Variants in ST3GAL6 observed in about 807,000 individuals in gnomAD.
ST3GAL6 encodes type 2 lactosamine alpha-2,3-sialyltransferase.
ST3GAL6 carries 31 observed loss-of-function variants against 40.5 expected under a neutral mutation model. The ratio of observed to expected loss-of-function variants is 0.77; its 90% confidence interval spans 0.58 to 1.03. ST3GAL6 has a LOEUF of 1.03. ST3GAL6 is among the 50% of genes least tolerant of loss of function. The pLI, the probability that ST3GAL6 is intolerant of heterozygous loss-of-function variation, is 0.00. For missense variants in ST3GAL6, 357 were observed against 393.2 expected, an observed-to-expected ratio of 0.91 and a Z score of 0.78; for synonymous variants, 129 against 136.9, an observed-to-expected ratio of 0.94 and a Z score of 0.40.
Position 98,772,826 on chromosome 3 carries a change from C to T in ST3GAL6, c.181C>T (p.His61Tyr). 6.2e-7 allele frequency: 1 copy of T among 1,612,784 alleles called. No homozygotes were observed. The highest frequency in any genetic ancestry group is 8.5e-7 in the Non-Finnish European group (1 of 1,179,052). The change falls in exon 4 of 10, where the codon CAC (histidine) becomes TAC (tyrosine). Residue 61 changes from histidine to tyrosine, a missense_variant. Physicochemically the swap from His to Tyr is moderately conservative, Grantham distance 83. Coordinates refer to ENST00000483910, the MANE Select transcript of ST3GAL6 (RefSeq NM_001323368.2). ...FASLLRFHQF[H>Y]PFLCAADFRK... The stretch of plus-strand genomic sequence containing the variant: ...CTTTCCTTCCAGGTTTCATCAGTTT[C>T]ACCCTTTTCTGTGTGCGGCTGATTT...
At position 98,795,334 on chromosome 3, in the gene ST3GAL6, A is replaced by AAAC. The variant is rs1941520604; in HGVS notation, c.*1575_*1577dup. On this transcript the variant is annotated 3_prime_UTR_variant, in exon 10 of 10. Transcript: ENST00000483910. ...GTGAAATACATTAGATTTGGCTCAG[A>AAAC]AACAGAATGCGGTACTTATAAAGCA... 6.6e-6 allele frequency: 1 copy of AAAC among 152,330 alleles called. No homozygotes were observed. Among genetic ancestry groups the AAAC allele is most frequent in the South Asian group, 2.1e-4 (1 of 4,824 alleles). 9.4% of individuals were successfully genotyped at this position (152,330 alleles called of 1,614,324 possible).
chr3:98,766,929 G>C (rs948579147), intron 1 of ST3GAL6, among the ~76,000 whole-genome samples: 23 of 152,184 alleles, frequency 1.5e-4, no homozygotes, highest in Admixed American at 1.4e-3. Context: ...ACCATATGTA[G>C]AGTTAGGCTG....
At chr3:98,762,365 A>C (rs75349640), upstream of ST3GAL6, among the ~76,000 whole-genome samples, 2 of 152,394 alleles carry the variant, frequency 1.3e-5, no homozygotes, top group East Asian at 3.9e-4. Context: ...CTGTTAATTT[A>C]CTCAGCAATG....
rs1235573261 is a variant in ST3GAL6 at position 98,792,528 on chromosome 3, TGA to T, written c.909+539_909+540del. ...TTAGTTTAAATTTTTTTTTTTTTTTTGAGAGTCTCACTCTGTCACCCAGGCTG... is the reference window on the plus strand; with the variant it reads ...TTAGTTTAAATTTTTTTTTTTTTTTTGAGTCTCACTCTGTCACCCAGGCTG... On this transcript the variant is annotated intron_variant, in intron 9 of 9. Transcript: ENST00000483910. Among the ~76,000 whole-genome samples the T allele has an allele frequency of 5.0e-4, 76 of 151,352 alleles. 1 individual carries two copies. Among genetic ancestry groups the T allele is most frequent in the African/African-American group, 1.7e-3 (69 of 41,304 alleles).
chr3:98,742,864 A>AT (rs1047708609), intron 1 of ST3GAL6, among the ~76,000 whole-genome samples: 2 of 150,874 alleles, frequency 1.3e-5, no homozygotes, highest in African/African-American at 2.4e-5. Flanking sequence ...CACCTGGCTA[A>AT]TTTTTTTGTA....
intron 5 of ST3GAL6, among the ~76,000 whole-genome samples, chr3:98,777,512 C>G (rs113694387): frequency 6.6e-6 from 1 of 152,262 alleles, no homozygotes; most frequent in East Asian, 1.9e-4. Flanking sequence ...GAATGTGGAC[C>G]GGAAAATGTA....
At chr3:98,770,796 T>C in intron 2 of ST3GAL6, 83 bp from the exon 3 acceptor site, 1 of 1,186,590 alleles carries the variant, frequency 8.4e-7, no homozygotes, top group Non-Finnish European at 1.3e-6. Context: ...AGTGGTGGCA[T>C]GAATGAGTTC....
chr3:98,789,129 CTG>C (rs1435726363), intron 8 of ST3GAL6, among the ~76,000 whole-genome samples: 7 of 152,302 alleles, frequency 4.6e-5, no homozygotes, highest in African/African-American at 1.4e-4. Context: ...GCTTGAGTAA[CTG>C]TATAACATGA....
At chr3:98,791,736 TA>T in intron 8 of ST3GAL6, 104 bp from the exon 9 acceptor site, 1 of 1,048,698 alleles carries the variant, frequency 9.5e-7, no homozygotes, top group Admixed American at 2.3e-5. Context: ...CTCTCCTTAT[TA>T]AATGTTTAGA....
In ST3GAL6 at chr3:98,794,378, G is replaced by C. The variant is rs1941442001; in HGVS notation, c.*617G>C. 6.6e-6 allele frequency: 1 copy of C among 152,010 alleles called. No homozygotes were observed. Among genetic ancestry groups the C allele is most frequent in the Non-Finnish European group, 1.5e-5 (1 of 68,002 alleles). The allele number at this position is 152,010 out of a possible 1,614,324, so 9.4% of individuals were successfully genotyped here. A position where few individuals can be genotyped will look rare whatever the true frequency, so the allele number is the denominator to read the frequency against. On this transcript the variant is annotated 3_prime_UTR_variant, in exon 10 of 10. Transcript: ENST00000483910. ...TTAGATAAGTAAATAACTAAAGAAA[G>C]AATACAATTACTAAACTCTGATGGC...
chr3:98,737,343 A>T (rs1935640025), intron 1 of ST3GAL6, among the ~76,000 whole-genome samples: 1 of 152,148 alleles, frequency 6.6e-6, no homozygotes, highest in Non-Finnish European at 1.5e-5. Context: ...GAGCCACCAC[A>T]CGCGGCCCCT....
chr3:98,752,875 GGACCACC>G (rs1357646181), intron 1 of ST3GAL6, among the ~76,000 whole-genome samples: 3 of 152,092 alleles, frequency 2.0e-5, no homozygotes, highest in Non-Finnish European at 4.4e-5. Flanking sequence ...TGTTCTGAAT[GGACCACC>G]GACCAGTTTT....
At chr3:98,770,687 T>C (rs1348103028) in intron 2 of ST3GAL6, among the ~76,000 whole-genome samples, 192 bp from the exon 3 acceptor site, 3 of 152,168 alleles carry the variant, frequency 2.0e-5, no homozygotes, top group African/African-American at 4.8e-5. Context: ...TCCCTTTCCT[T>C]ACATCCATGA....
At chr3:98,748,238 C>T (rs781003856) in intron 1 of ST3GAL6, among the ~76,000 whole-genome samples, 27 of 152,178 alleles carry the variant, frequency 1.8e-4, no homozygotes, top group Non-Finnish European at 2.4e-4. Flanking sequence ...AATAAGGACC[C>T]TGGCAGCAAA....
At chr3:98,774,723 G>C (rs1320215685) in intron 5 of ST3GAL6, among the ~76,000 whole-genome samples, 1 of 152,172 alleles carries the variant, frequency 6.6e-6, no homozygotes, top group Non-Finnish European at 1.5e-5. Context: ...GAATAGGAGT[G>C]CTATTTTTTG....
chr3:98,740,174 G>A (rs1935941269), intron 1 of ST3GAL6, among the ~76,000 whole-genome samples: 1 of 149,236 alleles, frequency 6.7e-6, no homozygotes, highest in African/African-American at 2.5e-5. Context: ...TAAATATTTT[G>A]CACACACTGA....
chr3:98,775,505 C>T (rs1194257463), intron 5 of ST3GAL6, among the ~76,000 whole-genome samples: 2 of 151,926 alleles, frequency 1.3e-5, no homozygotes, highest in African/African-American at 2.4e-5. Context: ...ATTGTGAGTC[C>T]TTGCAGCAAT....
intron 5 of ST3GAL6, among the ~76,000 whole-genome samples, chr3:98,774,800 G>A (rs7431448): frequency 0.41 from 62,132 of 152,044 alleles, 12,885 homozygotes; most frequent in Non-Finnish European, 0.45. Flanking sequence ...TAAGAGCAGC[G>A]TTAGATTTTG....
intron 1 of ST3GAL6, among the ~76,000 whole-genome samples, chr3:98,748,707 C>A (rs1392481682): frequency 6.6e-6 from 1 of 152,194 alleles, no homozygotes; most frequent in African/African-American, 2.4e-5. Context: ...CTCAGGTGAT[C>A]TGCCCGCCTT....
Sources: gnomAD v4.1 joint callset for allele counts (sites outside exome capture counted in the v4.1 genomes callset) on GRCh38, gnomAD v4.1.1 for gene constraint, MANE v1.5 for transcripts, NCBI Gene and HGNC (gene_info 2026-07-23, HGNC 2026-07-21) for gene names.